Variants in NKAIN3 observed in about 807,000 individuals in gnomAD.
The protein encoded by NKAIN3 is sodium/potassium-transporting ATPase subunit beta-1-interacting protein 3.
A neutral mutation model predicts 30.2 loss-of-function variants in NKAIN3; 25 were observed. The ratio of observed to expected loss-of-function variants is 0.83; its 90% confidence interval spans 0.60 to 1.16. The LOEUF (loss-of-function observed/expected upper bound fraction) is 1.16, where lower values mean the gene tolerates loss of function less well. NKAIN3 is among the 50% of genes most tolerant of loss of function. NKAIN3 has a pLI of 0.00. For synonymous variants in NKAIN3, 91 were observed against 89.6 expected (o/e 1.02, Z -0.09); for missense variants, 225 against 254.1 (o/e 0.89, Z 0.78).
chr8:62,577,447 G>A lies in NKAIN3; in HGVS notation c.55-2092G>A, dbSNP rs1200489006. Among the ~76,000 whole-genome samples the A allele has an allele frequency of 2.1e-5, 3 of 145,740 alleles. No individual in the cohort carries two copies. In the East Asian group the frequency reaches 6.0e-4, roughly 29 times the overall value. ...TGTCATGCACAACTGCTTTAAAATA[G>A]CGTGGGTGTTTTTTTGTTGTTTTTT... On this transcript the variant is annotated intron_variant, in intron 1 of 6. Transcript: ENST00000623646.
At chr8:62,275,840 A>G (rs1175974862) in intron 1 of NKAIN3, among the ~76,000 whole-genome samples, 1 of 152,152 alleles carries the variant, frequency 6.6e-6, no homozygotes, top group Admixed American at 6.5e-5. Context: ...CGACTCTTCT[A>G]AATTTGATGC....
At chr8:62,584,501 A>C (rs1810409811) in intron 2 of NKAIN3, among the ~76,000 whole-genome samples, 1 of 152,202 alleles carries the variant, frequency 6.6e-6, no homozygotes. Flanking sequence ...TAGCTTTTCC[A>C]AACTCTTAGA....
intron 4 of NKAIN3, among the ~76,000 whole-genome samples, chr8:62,801,559 C>T (rs1445845779): frequency 3.9e-5 from 6 of 152,200 alleles, no homozygotes; most frequent in African/African-American, 1.4e-4. Context: ...GCTGAGGGTC[C>T]TCTCTGTTAG....
intron 4 of NKAIN3, among the ~76,000 whole-genome samples, chr8:62,758,899 C>T (rs1586167594): frequency 6.6e-6 from 1 of 152,276 alleles, no homozygotes; most frequent in East Asian, 1.9e-4. Flanking sequence ...TTTTTGAGAA[C>T]ATGGTTTATT....
intron 1 of NKAIN3, among the ~76,000 whole-genome samples, chr8:62,493,842 T>C (rs1807150390): frequency 3.9e-5 from 6 of 152,174 alleles, no homozygotes; most frequent in Admixed American, 3.3e-4. Flanking sequence ...TGTTGGTGTA[T>C]AGGAATGCTA....
intron 1 of NKAIN3, among the ~76,000 whole-genome samples, chr8:62,261,435 A>T (rs1159290267): frequency 6.6e-6 from 1 of 152,202 alleles, no homozygotes; most frequent in African/African-American, 2.4e-5. Context: ...ACTAGAATCT[A>T]GAATCTCTCA....
chr8:62,301,506 C>T (rs868210291), intron 1 of NKAIN3, among the ~76,000 whole-genome samples: 1 of 152,084 alleles, frequency 6.6e-6, no homozygotes, highest in African/African-American at 2.4e-5. Flanking sequence ...AACAGTTGGG[C>T]ACCTTTGATT....
At chr8:62,589,915 G>T (rs1585983578) in intron 3 of NKAIN3, 121 bp downstream of exon 3, 1 of 398,924 alleles carries the variant, frequency 2.5e-6, no homozygotes, top group Non-Finnish European at 4.6e-6. Flanking sequence ...GTGTGTGTGT[G>T]TATAGAATGA....
chr8:62,626,705 G>A (rs1811800187), intron 3 of NKAIN3, among the ~76,000 whole-genome samples: 1 of 152,026 alleles, frequency 6.6e-6, no homozygotes, highest in Non-Finnish European at 1.5e-5. Context: ...TCTATCTTAG[G>A]GTGGTCATAA....
intron 5 of NKAIN3, among the ~76,000 whole-genome samples, chr8:62,931,720 C>T (rs1822624316): frequency 6.6e-6 from 1 of 152,090 alleles, no homozygotes; most frequent in Admixed American, 6.6e-5. Context: ...TCTAGCAGGC[C>T]ACAGCTACGG....
chr8:62,451,556 G>A (rs1008981902), intron 1 of NKAIN3, among the ~76,000 whole-genome samples: 5 of 152,194 alleles, frequency 3.3e-5, no homozygotes, highest in Admixed American at 6.5e-5. Context: ...TCTTTGCTGG[G>A]CCTGTAATGG....
At chr8:62,274,206 C>G (rs1163394073) in intron 1 of NKAIN3, among the ~76,000 whole-genome samples, 1 of 152,144 alleles carries the variant, frequency 6.6e-6, no homozygotes, top group Non-Finnish European at 1.5e-5. Flanking sequence ...TTGCACCACA[C>G]ACATAATGAG....
chr8:62,914,840 G>A (rs1249070814), intron 4 of NKAIN3, among the ~76,000 whole-genome samples: 1 of 147,716 alleles, frequency 6.8e-6, no homozygotes, highest in Non-Finnish European at 1.5e-5. Context: ...AGAACATGCA[G>A]GTTTCTTACA....
chr8:62,683,151 A>G (rs754355980), intron 3 of NKAIN3, among the ~76,000 whole-genome samples: 19 of 152,058 alleles, frequency 1.2e-4, no homozygotes, highest in Non-Finnish European at 2.6e-4. Context: ...CTCCTTCCCC[A>G]GCATCCTGAG....
rs551095768 is a variant in NKAIN3, at chr8:62,334,195, G to A, written c.54+85068G>A. On this transcript the variant is annotated intron_variant, in intron 1 of 6. Transcript: ENST00000623646. ...CTTTATTAGTTACTCATGGCTGCAG[G>A]AACAAGGTCCACAAATCAAGTTGCT... Among the ~76,000 whole-genome samples the A allele has an allele frequency of 1.1e-4, 17 of 152,006 alleles. No individual in the cohort carries two copies. In the East Asian group the frequency reaches 3.3e-3, roughly 30 times the overall value.
At position 62,260,648 on chromosome 8, in the gene NKAIN3, G is replaced by C. The variant is rs1275896495; in HGVS notation, c.54+11521G>C. On this transcript the variant is annotated intron_variant, in intron 1 of 6. Coordinates refer to ENST00000623646, the MANE Select transcript of NKAIN3 (RefSeq NM_001304533.3). ...TTTGCTTTATATCTGGATGGTGAACGGCCGATGCAGGCAGTCATGGGCTGG... is the reference window on the plus strand; with the variant it reads ...TTTGCTTTATATCTGGATGGTGAACCGCCGATGCAGGCAGTCATGGGCTGG... 2.0e-5 allele frequency among the ~76,000 whole-genome samples: 3 copies of C among 152,082 alleles called. No homozygotes were observed. In the East Asian group the frequency reaches 5.8e-4, roughly 29 times the overall value.
At chr8:62,282,497 C>G (rs375800547) in intron 1 of NKAIN3, among the ~76,000 whole-genome samples, 1 of 152,128 alleles carries the variant, frequency 6.6e-6, no homozygotes, top group African/African-American at 2.4e-5. Flanking sequence ...GACAGATTGA[C>G]CTGGACTGTG....
At chr8:62,947,429 C>T (rs928788067) in intron 5 of NKAIN3, among the ~76,000 whole-genome samples, 2 of 152,214 alleles carry the variant, frequency 1.3e-5, no homozygotes, top group East Asian at 1.9e-4. Context: ...ATATAATATA[C>T]ATTTTTCTTG....
chr8:62,259,071 G>T (rs1812350238), intron 1 of NKAIN3, among the ~76,000 whole-genome samples: 2 of 152,262 alleles, frequency 1.3e-5, no homozygotes, highest in South Asian at 4.2e-4. Flanking sequence ...GTGCCTTTTG[G>T]CTTTACATGT....
Sources: allele counts gnomAD v4.1 joint callset (sites outside exome capture counted in the v4.1 genomes callset), GRCh38; gene constraint gnomAD v4.1.1; transcripts MANE v1.5; gene names NCBI Gene and HGNC (gene_info 2026-07-23, HGNC 2026-07-21).